The following DDX10 variants were observed in gnomAD, a reference collection of about 807,000 sequenced individuals.
DDX10 encodes probable ATP-dependent RNA helicase DDX10.
DDX10 carries 74 observed loss-of-function variants against 104.3 expected under a neutral mutation model. That is an observed-to-expected ratio of 0.71 (90% CI 0.59 to 0.86). The LOEUF (loss-of-function observed/expected upper bound fraction) is 0.86. Ranked by LOEUF, DDX10 falls within the 40% of genes least tolerant of loss-of-function variation. The pLI, the probability that DDX10 is intolerant of heterozygous loss-of-function variation, is 0.00. For missense variants in DDX10, 952 were observed against 1,040.0 expected, an observed-to-expected ratio of 0.92 and a Z score of 1.16; for synonymous variants, 351 against 353.4, an observed-to-expected ratio of 0.99 and a Z score of 0.08.
chr11:108,747,882 TA>T (rs1485938797), intron 13 of DDX10, among the ~76,000 whole-genome samples: 7 of 152,170 alleles, frequency 4.6e-5, no homozygotes, highest in African/African-American at 1.7e-4. Flanking sequence ...TCAAACTTTT[TA>T]TAGATCCTTG....
chr11:108,731,270 C>CA (rs1176040097), intron 13 of DDX10, among the ~76,000 whole-genome samples: 1 of 152,014 alleles, frequency 6.6e-6, no homozygotes, highest in African/African-American at 2.4e-5. Flanking sequence ...AGGCTGGTCT[C>CA]AAACTCCTGA....
At chr11:108,835,184 A>G (rs993299956) in intron 13 of DDX10, among the ~76,000 whole-genome samples, 7 of 151,998 alleles carry the variant, frequency 4.6e-5, no homozygotes, top group African/African-American at 7.3e-5. Context: ...TCCATTTTAG[A>G]TGTTTTACCA....
intron 17 of DDX10, among the ~76,000 whole-genome samples, chr11:108,938,951 G>GTA (rs1239891777): frequency 8.5e-5 from 13 of 152,126 alleles, no homozygotes; most frequent in Non-Finnish European, 1.6e-4. Context: ...TGTGCTTGGG[G>GTA]TATAATGTAA....
intron 6 of DDX10, among the ~76,000 whole-genome samples, chr11:108,685,443 G>C (rs2094242473): frequency 6.6e-6 from 1 of 151,792 alleles, no homozygotes; most frequent in Non-Finnish European, 1.5e-5. Context: ...GCACTCCCTA[G>C]TGAGATGAAC....
intron 13 of DDX10, among the ~76,000 whole-genome samples, chr11:108,835,990 T>G (rs1244081242): frequency 6.6e-6 from 1 of 152,188 alleles, no homozygotes; most frequent in Admixed American, 6.5e-5. Flanking sequence ...GTGTTTTCCT[T>G]TTGATCCAGG....
chr11:108,804,498 CAAAAAA>C (rs3063225), intron 13 of DDX10, among the ~76,000 whole-genome samples: 11 of 93,516 alleles, frequency 1.2e-4, no homozygotes, highest in Admixed American at 3.8e-4. Flanking sequence ...GACCCTGTCT[CAAAAAA>C]AAAAAAAAAA....
intron 13 of DDX10, among the ~76,000 whole-genome samples, chr11:108,742,499 A>T (rs1367786553): frequency 6.6e-6 from 1 of 152,084 alleles, no homozygotes; most frequent in Admixed American, 6.6e-5. Context: ...TGGGAGGTGG[A>T]GGTTGCAGTG....
chr11:108,740,161 C>T (rs532515119), intron 13 of DDX10, among the ~76,000 whole-genome samples: 3 of 152,002 alleles, frequency 2.0e-5, no homozygotes, highest in Non-Finnish European at 4.4e-5. Context: ...AAGTAGGCCC[C>T]TGTGTCTCTT....
At chr11:108,817,402 T>C (rs537783267) in intron 13 of DDX10, among the ~76,000 whole-genome samples, 8 of 152,360 alleles carry the variant, frequency 5.3e-5, no homozygotes, top group African/African-American at 1.9e-4. Flanking sequence ...TATAACTCTT[T>C]ATGTAGATCA....
intron 1 of DDX10, 72 bp from the exon 2 acceptor site, chr11:108,673,395 T>C: frequency 1.0e-6 from 1 of 983,438 alleles, no homozygotes; most frequent in East Asian, 2.4e-5. Context: ...AGCTGGGCAA[T>C]ACAATGTAGA....
At chr11:108,798,112 C>A (rs1272988483) in intron 13 of DDX10, among the ~76,000 whole-genome samples, 1 of 152,180 alleles carries the variant, frequency 6.6e-6, no homozygotes, top group Non-Finnish European at 1.5e-5. Flanking sequence ...CTTCCTTAAT[C>A]AGCATTTTGA....
chr11:108,928,422 G>A (rs914801896), intron 17 of DDX10, among the ~76,000 whole-genome samples: 1 of 152,170 alleles, frequency 6.6e-6, no homozygotes, highest in Non-Finnish European at 1.5e-5. Flanking sequence ...TCTGTGAACC[G>A]AGAGACTGAA....
intron 13 of DDX10, among the ~76,000 whole-genome samples, chr11:108,797,005 T>C (rs1431018887): frequency 6.6e-6 from 1 of 152,026 alleles, no homozygotes; most frequent in Non-Finnish European, 1.5e-5. Flanking sequence ...AAACTTCTGT[T>C]GTTGTTGTTG....
At chr11:108,803,299 TC>T (rs919831599) in intron 13 of DDX10, among the ~76,000 whole-genome samples, 2 of 150,888 alleles carry the variant, frequency 1.3e-5, no homozygotes, top group African/African-American at 4.9e-5. Flanking sequence ...CCTTTAAGAA[TC>T]TTTGTTTTTC....
intron 13 of DDX10, among the ~76,000 whole-genome samples, chr11:108,736,227 T>A (rs574616984): frequency 6.6e-6 from 1 of 151,888 alleles, no homozygotes; most frequent in African/African-American, 2.4e-5. Flanking sequence ...TATCTTTTAA[T>A]AATAAAACCT....
chr11:108,876,723 G>A (rs1038010225), intron 16 of DDX10, among the ~76,000 whole-genome samples: 2 of 152,062 alleles, frequency 1.3e-5, no homozygotes, highest in Non-Finnish European at 2.9e-5. Flanking sequence ...GTTAGTACAC[G>A]GCACTTACAG....
intron 13 of DDX10, among the ~76,000 whole-genome samples, chr11:108,823,846 T>G (rs1057004813): frequency 6.6e-6 from 1 of 152,198 alleles, no homozygotes; most frequent in South Asian, 2.1e-4. Flanking sequence ...AAATGTACAA[T>G]GAAACATCTT....
Position 108,801,501 on chromosome 11 carries a change from C to G in DDX10, c.1966-36945C>G, listed in dbSNP as rs146041175. ...TCTGCAAGATGAGAGGTCAGAAGACCTGTGAATCCTGACACTACACTATGT... is the reference window on the plus strand; with the variant it reads ...TCTGCAAGATGAGAGGTCAGAAGACGTGTGAATCCTGACACTACACTATGT... On this transcript the variant is annotated intron_variant, in intron 13 of 17. Coordinates refer to ENST00000322536, the MANE Select transcript of DDX10 (RefSeq NM_004398.4). 2.0e-4 allele frequency among the ~76,000 whole-genome samples: 30 copies of G among 152,258 alleles called. No individual in the cohort carries two copies. The East Asian group carries it at 5.2e-3, about 26-fold the overall frequency.
At chr11:108,791,858 C>T (rs1861875506) in intron 13 of DDX10, among the ~76,000 whole-genome samples, 1 of 152,144 alleles carries the variant, frequency 6.6e-6, no homozygotes, top group African/African-American at 2.4e-5. Flanking sequence ...TAAGAAACTA[C>T]CAAACTGTTT....
Sources: allele counts gnomAD v4.1 joint callset (sites outside exome capture counted in the v4.1 genomes callset), GRCh38; gene constraint gnomAD v4.1.1; transcripts MANE v1.5; gene names NCBI Gene and HGNC (gene_info 2026-07-23, HGNC 2026-07-21).